RPS6KA2: variants seen among roughly 807,000 people sequenced by gnomAD.
RPS6KA2 encodes ribosomal protein S6 kinase A2, also known as ribosomal protein S6 kinase alpha-2.
In RPS6KA2, 42 loss-of-function variants were observed where a neutral mutation model predicts 91.8. That is an observed-to-expected ratio of 0.46 (90% CI 0.36 to 0.59). RPS6KA2 has a LOEUF of 0.59. Ranked by LOEUF, RPS6KA2 falls within the 20% of genes least tolerant of loss-of-function variation. RPS6KA2 has a pLI of 0.00. For missense variants in RPS6KA2, 798 were observed against 978.5 expected, an observed-to-expected ratio of 0.82 and a Z score of 2.46; for synonymous variants, 414 against 393.6, an observed-to-expected ratio of 1.05 and a Z score of -0.61.
intron 2 of RPS6KA2, among the ~76,000 whole-genome samples, chr6:166,658,472 T>C (rs557061680): frequency 4.6e-5 from 7 of 152,330 alleles, no homozygotes. Flanking sequence ...CTTCACTTTA[T>C]GCAAATCCCA....
intron 6 of RPS6KA2, among the ~76,000 whole-genome samples, chr6:166,503,585 C>T (rs548652568): frequency 1.2e-3 from 190 of 152,216 alleles, no homozygotes; most frequent in African/African-American, 4.1e-3. Flanking sequence ...CATCTAGGGG[C>T]GGCTATGGGC....
chr6:166,681,404 G>A (rs1321300176), intron 2 of RPS6KA2, among the ~76,000 whole-genome samples: 2 of 152,076 alleles, frequency 1.3e-5, no homozygotes, highest in Admixed American at 1.3e-4. Flanking sequence ...TGGAAACCAC[G>A]CCCTTCTTCT....
rs16899149 is a variant in RPS6KA2 at position 166,554,867 on chromosome 6, A to G, written c.100-16083T>C. ...ACAGAGATTGCCCACCGCATGAAAA[A>G]TGTCTCCAGTTTTACAAAGGTCAAT... On this transcript the variant is annotated intron_variant, in intron 1 of 20. Transcript: ENST00000265678. This position sits in a 1 kb window ranked among gnomAD's most constrained non-coding sequence, Gnocchi z 4.3. 0.028 allele frequency among the ~76,000 whole-genome samples: 4,217 copies of G among 152,322 alleles called. 191 individuals are homozygous for G. The highest frequency in any genetic ancestry group is 0.097 in the African/African-American group (4,016 of 41,548).
rs560440915 is a variant in RPS6KA2 at position 166,435,737 on chromosome 6, C to T, written c.1333-3247G>A. Among the ~76,000 whole-genome samples, 9 of 152,356 alleles carry T rather than the reference C, an allele frequency of 5.9e-5. No individual in the cohort carries two copies. The highest frequency in any genetic ancestry group is 1.3e-4 in the Admixed American group (2 of 15,300). On this transcript the variant is annotated intron_variant, in intron 14 of 20. Coordinates refer to ENST00000265678, the MANE Select transcript of RPS6KA2 (RefSeq NM_021135.6). The surrounding 1 kb of genome is among the most constrained non-coding windows in gnomAD (Gnocchi z 4.3). ...GGGAAGTCACGTTTGCTGTCTCAGG[C>T]GACAACACTGCTGTGGGTGTGGGTG...
chr6:166,466,986 A>G (rs1780554747), intron 11 of RPS6KA2, among the ~76,000 whole-genome samples: 1 of 151,616 alleles, frequency 6.6e-6, no homozygotes, highest in Non-Finnish European at 1.5e-5. Context: ...TCCCTCACTC[A>G]TTAACTCACT....
intron 2 of RPS6KA2, among the ~76,000 whole-genome samples, chr6:166,684,265 G>T (rs370554086): frequency 6.6e-6 from 1 of 152,072 alleles, no homozygotes; most frequent in East Asian, 1.9e-4. Flanking sequence ...AGGCATTACC[G>T]CCCCTTTTCA....
chr6:166,429,952 TTTTTC>T (rs1779063246), intron 16 of RPS6KA2, among the ~76,000 whole-genome samples: 1 of 151,372 alleles, frequency 6.6e-6, no homozygotes, highest in Non-Finnish European at 1.5e-5. Context: ...GAAAAAAGAA[TTTTTC>T]TTTTCTTTTT....
chr6:166,504,294 T>C (rs1414476186), intron 6 of RPS6KA2, among the ~76,000 whole-genome samples: 1 of 152,246 alleles, frequency 6.6e-6, no homozygotes, highest in East Asian at 1.9e-4. Context: ...AGAATGGGCC[T>C]GGGCATTTCC....
Position 166,664,871 on chromosome 6 carries a change from G to C in RPS6KA2, c.124-126087C>G, listed in dbSNP as rs183433302. ...TATGAGGTGCAGAGAGCCAGCTTTCGCCTCCTGAACACAGATAGTCCTCCT... is the reference window on the plus strand; with the variant it reads ...TATGAGGTGCAGAGAGCCAGCTTTCCCCTCCTGAACACAGATAGTCCTCCT... On this transcript the variant is annotated intron_variant, in intron 2 of 21. Transcript: ENST00000503859. 2.9e-3 allele frequency among the ~76,000 whole-genome samples: 442 copies of C among 152,262 alleles called. 1 individual carries two copies. Among genetic ancestry groups the C allele is most frequent in the Non-Finnish European group, 3.9e-3 (264 of 68,010 alleles).
At chr6:166,515,340 G>A (rs566645399) in intron 3 of RPS6KA2, among the ~76,000 whole-genome samples, 148 of 152,322 alleles carry the variant, frequency 9.7e-4, no homozygotes, top group Non-Finnish European at 1.6e-3. Flanking sequence ...GGAGGGGCCC[G>A]CAGCTGGGTC....
intron 2 of RPS6KA2, among the ~76,000 whole-genome samples, chr6:166,743,582 C>T (rs576310943): frequency 1.3e-5 from 2 of 152,320 alleles, no homozygotes; most frequent in African/African-American, 2.4e-5. Flanking sequence ...AGCTTGGAGG[C>T]CTCTCCACAC....
At chr6:166,678,947 T>G (rs567529894) in intron 2 of RPS6KA2, among the ~76,000 whole-genome samples, 1 of 152,212 alleles carries the variant, frequency 6.6e-6, no homozygotes, top group Non-Finnish European at 1.5e-5. Flanking sequence ...CCAGATAAAT[T>G]TGAGTATGAC....
intron 1 of RPS6KA2, among the ~76,000 whole-genome samples, chr6:166,576,945 GCTGT>G (rs374041264): frequency 0.068 from 10,278 of 152,196 alleles, 669 homozygotes; most frequent in South Asian, 0.24. Context: ...GGGTCCCAGA[GCTGT>G]GTGCAGCCTA....
intron 2 of RPS6KA2, among the ~76,000 whole-genome samples, chr6:166,704,799 T>G (rs1789629834): frequency 6.6e-6 from 1 of 152,246 alleles, no homozygotes; most frequent in Non-Finnish European, 1.5e-5. Flanking sequence ...CTCAGTCCTC[T>G]GATCTTTCCT....
At chr6:166,773,943 C>G (rs1407228063) in intron 2 of RPS6KA2, among the ~76,000 whole-genome samples, 1 of 152,160 alleles carries the variant, frequency 6.6e-6, no homozygotes. Context: ...TGGACGTGGT[C>G]AGACAAATAT....
intron 2 of RPS6KA2, among the ~76,000 whole-genome samples, chr6:166,801,244 A>G (rs1338990125): frequency 6.6e-6 from 1 of 152,260 alleles, no homozygotes; most frequent in Non-Finnish European, 1.5e-5. Flanking sequence ...ATAAAACATA[A>G]AGATAGTATC....
chr6:166,727,250 G>A (rs1030283665), intron 2 of RPS6KA2, among the ~76,000 whole-genome samples: 30 of 152,066 alleles, frequency 2.0e-4, no homozygotes, highest in African/African-American at 7.0e-4. Flanking sequence ...TGAAAGAATT[G>A]AAAGTAATGC....
intron 1 of RPS6KA2, among the ~76,000 whole-genome samples, chr6:166,582,143 C>T (rs1293162229): frequency 7.0e-6 from 1 of 142,782 alleles, no homozygotes; most frequent in Non-Finnish European, 1.5e-5. Context: ...TGGGGTGGGA[C>T]GCCCACTGGG....
chr6:166,854,861 G>T (rs1451300979), intron 2 of RPS6KA2, among the ~76,000 whole-genome samples: 1 of 152,036 alleles, frequency 6.6e-6, no homozygotes, highest in East Asian at 1.9e-4. Context: ...CTAAGAAAAA[G>T]AAATTATTAT....
Sources: allele counts gnomAD v4.1 joint callset (sites outside exome capture counted in the v4.1 genomes callset), GRCh38; gene constraint gnomAD v4.1.1; non-coding constraint Gnocchi (gnomAD v3.1); transcripts MANE v1.5; gene names NCBI Gene and HGNC (gene_info 2026-07-23, HGNC 2026-07-21).